PLOD1: variants seen among roughly 807,000 people sequenced by gnomAD.
PLOD1 encodes the protein lysine hydroxylase.
A neutral mutation model predicts 94.7 loss-of-function variants in PLOD1; 70 were observed. The observed-to-expected ratio is 0.74, with a 90% CI of 0.61 to 0.90. PLOD1 has a LOEUF of 0.90. PLOD1 is among the 40% of genes least tolerant of loss of function. The pLI, the probability that PLOD1 is intolerant of heterozygous loss-of-function variation, is 0.00. For synonymous variants in PLOD1, 417 were observed against 400.2 expected (o/e 1.04, Z -0.50); for missense variants, 905 against 972.7 (o/e 0.93, Z 0.93).
chr1:11,946,797 C>T (rs533129287), intron 1 of PLOD1, among the ~76,000 whole-genome samples: 19 of 152,250 alleles, frequency 1.2e-4, no homozygotes, highest in African/African-American at 3.4e-4. Flanking sequence ...AAGAAGTACC[C>T]GTGGCTGGGT....
intron 5 of PLOD1, chr1:11,954,549 C>T: frequency 2.9e-6 from 2 of 700,564 alleles, no homozygotes; most frequent in South Asian, 2.7e-5. Context: ...GTGCTGGTTA[C>T]TCTTAACGGC....
intron 6 of PLOD1, among the ~76,000 whole-genome samples, chr1:11,956,484 G>T (rs905916690): frequency 6.6e-6 from 1 of 152,204 alleles, no homozygotes; most frequent in African/African-American, 2.4e-5. Context: ...ATCATGCCCA[G>T]GCCTCCCCTG....
intron 4 of PLOD1, among the ~76,000 whole-genome samples, chr1:11,951,626 TAA>T (rs1248838769): frequency 4.1e-5 from 6 of 146,418 alleles, no homozygotes; most frequent in African/African-American, 1.5e-4. Context: ...ATAATTTATA[TAA>T]TATATATAAT....
intron 1 of PLOD1, among the ~76,000 whole-genome samples, chr1:11,935,919 G>A (rs988801315): frequency 5.3e-5 from 8 of 151,520 alleles, no homozygotes; most frequent in Non-Finnish European, 1.2e-4. Flanking sequence ...CATCGCGCCC[G>A]GCCGGTTCAA....
rs191270687 is a variant in PLOD1, at chr1:11,974,019, T to C, written c.2029-634T>C. On this transcript the variant is annotated intron_variant, in intron 18 of 18. Coordinates refer to ENST00000196061, the MANE Select transcript of PLOD1 (RefSeq NM_000302.4). ...GTCTATAGTGGTGAGGTTGGGAAGC[T>C]TGATCCTCAGCTCTCAATTGTAACA... 1.3e-3 allele frequency among the ~76,000 whole-genome samples: 205 copies of C among 152,290 alleles called. 1 individual carries two copies. The highest frequency in any genetic ancestry group is 3.4e-3 in the Middle Eastern group (1 of 294).
chr1:11,962,737 C>T (rs1349758544), intron 10 of PLOD1, among the ~76,000 whole-genome samples: 1 of 151,686 alleles, frequency 6.6e-6, no homozygotes, highest in Non-Finnish European at 1.5e-5. Flanking sequence ...AGTGAGACCC[C>T]CATCTCTAAA....
At chr1:11,937,627 T>C (rs1057181484) in intron 1 of PLOD1, among the ~76,000 whole-genome samples, 5 of 152,044 alleles carry the variant, frequency 3.3e-5, no homozygotes, top group South Asian at 2.1e-4. Flanking sequence ...GCCCGGTGAG[T>C]TGAATTGAAG....
chr1:11,966,509 G>C (rs1433440095), intron 15 of PLOD1, 193 bp downstream of exon 15: 58 of 313,174 alleles, frequency 1.9e-4, no homozygotes, highest in African/African-American at 1.3e-3. Context: ...GGATGGGAGT[G>C]GGGGGTGGTG....
chr1:11,936,215 A>C (rs929114900), intron 1 of PLOD1, among the ~76,000 whole-genome samples: 5 of 151,944 alleles, frequency 3.3e-5, no homozygotes, highest in Non-Finnish European at 5.9e-5. Context: ...GGTTGGTCCG[A>C]GGTCAGCTGG....
intron 16 of PLOD1, among the ~76,000 whole-genome samples, chr1:11,969,732 G>A (rs182693437): frequency 8.0e-4 from 122 of 152,238 alleles, no homozygotes; most frequent in Middle Eastern, 3.4e-3. Flanking sequence ...AACTCACTTG[G>A]TTGTTGCAGA....
rs991268106 is a variant in PLOD1 at position 11,934,717 on chromosome 1, G to T, written c.-63G>T. ...GCGTGGCAGCGGGACCTGCGGCCCC[G>T]TCGCGAAGTTTCCAGCCCTGCGAGC... On this transcript the variant is annotated 5_prime_UTR_variant, in exon 1 of 19. Coordinates refer to ENST00000196061, the MANE Select transcript of PLOD1 (RefSeq NM_000302.4). 3 of 1,507,190 alleles carry T rather than the reference G, an allele frequency of 2.0e-6. No homozygotes were observed. The highest frequency in any genetic ancestry group is 1.8e-6 in the Non-Finnish European group (2 of 1,135,658). The allele number at this position is 1,507,190 out of a possible 1,614,324, so 93.4% of individuals were successfully genotyped here.
At chr1:11,954,748 G>C in intron 5 of PLOD1, 82 bp from the exon 6 acceptor site, 1 of 1,053,330 alleles carries the variant, frequency 9.5e-7, no homozygotes, top group Non-Finnish European at 1.5e-6. Context: ...CTTGGGGACA[G>C]ATTCCCCACA....
rs565482291 is a variant in PLOD1, at chr1:11,972,541, C to T, written c.1903-331C>T. ...GTGCTGGAATTACAGGCGTGAGTAC[C>T]ATGTCCGGCCTCCTTCCCTTTCATT... On this transcript the variant is annotated intron_variant, in intron 17 of 18. Coordinates refer to ENST00000196061, the MANE Select transcript of PLOD1 (RefSeq NM_000302.4). This position sits in a 1 kb window ranked among gnomAD's most constrained non-coding sequence, Gnocchi z 4.6. 5 of 334,500 alleles carry T rather than the reference C, an allele frequency of 1.5e-5. No individual in the cohort carries two copies. Among genetic ancestry groups the T allele is most frequent in the South Asian group, 1.3e-4 (5 of 37,604 alleles). 20.7% of individuals were successfully genotyped at this position (334,500 alleles called of 1,614,324 possible).
intron 16 of PLOD1, among the ~76,000 whole-genome samples, chr1:11,968,306 T>C (rs1183948415): frequency 6.6e-6 from 1 of 152,010 alleles, no homozygotes; most frequent in Non-Finnish European, 1.5e-5. Context: ...TCCCAGAACA[T>C]TTATTTCCAT....
intron 10 of PLOD1, among the ~76,000 whole-genome samples, 160 bp downstream of exon 10, chr1:11,960,927 G>A (rs986115260): frequency 6.6e-6 from 1 of 152,066 alleles, no homozygotes; most frequent in Non-Finnish European, 1.5e-5. Context: ...CTGTCAAAAG[G>A]GGAAATAGCC....
chr1:11,934,795 C>T lies in PLOD1; in HGVS notation c.16C>T (p.Leu6=). 5 of 1,540,264 alleles carry T rather than the reference C, an allele frequency of 3.2e-6. No homozygotes were observed. The highest frequency in any genetic ancestry group is 4.4e-6 in the Non-Finnish European group (5 of 1,145,958). The change falls in exon 1 of 19, where the codon CTA becomes TTA. Residue 6 remains leucine (L), a synonymous_variant. Coordinates refer to ENST00000196061, the MANE Select transcript of PLOD1 (RefSeq NM_000302.4). The stretch of plus-strand genomic sequence containing the variant: ...TACCTCGGCCATGCGGCCCCTGCTG[C>T]TACTGGCCCTGCTGGGCTGGCTGCT... The part of the protein sequence containing the change: MRPLL[L]LALLGWLLLA...
chr1:11,964,033 C>T, intron 11 of PLOD1, 142 bp from the exon 12 acceptor site: 1 of 900,938 alleles, frequency 1.1e-6, no homozygotes, highest in South Asian at 1.3e-5. Flanking sequence ...ACACCCCGGC[C>T]AAGGCACTGC....
At chr1:11,967,703 C>T (rs889725908) in intron 16 of PLOD1, among the ~76,000 whole-genome samples, 29 of 136,770 alleles carry the variant, frequency 2.1e-4, no homozygotes, top group Admixed American at 1.4e-4. Context: ...GTTGCCCAGG[C>T]TGGTTGTGAA....
chr1:11,944,831 G>A (rs1645639523), intron 1 of PLOD1, among the ~76,000 whole-genome samples: 1 of 152,192 alleles, frequency 6.6e-6, no homozygotes, highest in Non-Finnish European at 1.5e-5. Context: ...TGCCCCGCCA[G>A]CTCTGGCAAG....
Sources: allele counts gnomAD v4.1 joint callset (sites outside exome capture counted in the v4.1 genomes callset), GRCh38; gene constraint gnomAD v4.1.1; non-coding constraint Gnocchi (gnomAD v3.1); transcripts MANE v1.5; gene names NCBI Gene and HGNC (gene_info 2026-07-23, HGNC 2026-07-21).